MRPL10: variants seen among roughly 807,000 people sequenced by gnomAD.
The protein encoded by MRPL10 is mitochondrial ribosomal protein L10, also known as large ribosomal subunit protein uL10m.
A neutral mutation model predicts 19.8 loss-of-function variants in MRPL10; 14 were observed. The ratio of observed to expected loss-of-function variants is 0.71; its 90% CI spans 0.47 to 1.11. MRPL10 has a LOEUF of 1.11. Ranked by LOEUF, MRPL10 falls within the 50% of genes least tolerant of loss-of-function variation. The pLI is 0.00. For missense variants in MRPL10, 318 were observed against 339.6 expected (o/e 0.94, Z 0.50); for synonymous variants, 129 against 139.2 (o/e 0.93, Z 0.52).
chr17:47,825,014 CAAAAA>C (rs5820672), intron 4 of MRPL10, among the ~76,000 whole-genome samples: 2 of 75,584 alleles, frequency 2.6e-5, no homozygotes, highest in Non-Finnish European at 4.7e-5. Context: ...AACTTCGTCT[CAAAAA>C]AAAAAAAAAA....
At chr17:47,826,831 G>A in intron 3 of MRPL10, 50 bp from the exon 4 acceptor site, 1 of 1,610,440 alleles carries the variant, frequency 6.2e-7, no homozygotes, top group Non-Finnish European at 8.5e-7. Flanking sequence ...GGGAGGAAGA[G>A]CTACCTCGTG....
intron 2 of MRPL10, chr17:47,828,242 C>A: frequency 2.9e-6 from 1 of 344,944 alleles, no homozygotes; most frequent in South Asian, 1.2e-4. Context: ...CTCTCCCCAG[C>A]CCCACCTGCT....
Position 47,824,381 on chromosome 17 carries a change from G to A in MRPL10, c.610C>T (p.Gln204Ter). The A allele has an allele frequency of 6.2e-7, 1 of 1,608,088 alleles. No homozygotes were observed. Among genetic ancestry groups the A allele is most frequent in the Non-Finnish European group, 8.5e-7 (1 of 1,175,974 alleles). The change falls in exon 5 of 5, where the codon CAG becomes TAG. Residue 204 changes from glutamine to a stop codon, truncating the protein, a stop_gained. Coordinates refer to ENST00000351111, the MANE Select transcript of MRPL10 (RefSeq NM_145255.4). LOFTEE classifies it low-confidence loss of function (END_TRUNC). ...GTGAGGCCTCCTACAAGCTCCCCCT[G>A]CACCAGGGGCAGGCTGGGGAGCTTG... ...YSKLPSLPLV[Q>*]GELVGGLTCL...
chr17:47,827,009 G>C, intron 3 of MRPL10, 31 bp downstream of exon 3: 5 of 1,584,802 alleles, frequency 3.2e-6, no homozygotes, highest in Non-Finnish European at 4.3e-6. Context: ...GGGGAAGATG[G>C]GCAACCCATG....
At chr17:47,828,374 G>T in intron 2 of MRPL10, 127 bp downstream of exon 2, 1 of 631,522 alleles carries the variant, frequency 1.6e-6, no homozygotes, top group Non-Finnish European at 2.5e-6. Context: ...ATCTGGATCA[G>T]GCAGTCAAAC....
At position 47,831,532 on chromosome 17, in the gene MRPL10, G is replaced by A. The variant is rs1346008478; in HGVS notation, c.-21C>T. The A allele has an allele frequency of 1.6e-5, 24 of 1,548,146 alleles. No individual in the cohort carries two copies. Among genetic ancestry groups the A allele is most frequent in the Admixed American group, 2.0e-5 (1 of 50,722 alleles). ...GCCATCTCCACCGGAAGAATGGACG[G>A]AAGCCGAGTGGAGACGGAAAGAGCT... On this transcript the variant is annotated 5_prime_UTR_variant, in exon 1 of 5. Transcript: ENST00000351111.
intron 4 of MRPL10, among the ~76,000 whole-genome samples, chr17:47,824,659 T>C (rs950188160): frequency 2.6e-5 from 4 of 152,162 alleles, no homozygotes; most frequent in Admixed American, 6.5e-5. Context: ...CAGAAAACTC[T>C]TAATATATCC....
chr17:47,824,692 G>T (rs1333532196), intron 4 of MRPL10, among the ~76,000 whole-genome samples: 5 of 152,096 alleles, frequency 3.3e-5, no homozygotes, highest in African/African-American at 1.2e-4. Flanking sequence ...CCCCTATTAA[G>T]TCAGTGTTTC....
Position 47,828,530 on chromosome 17 carries a change from G to A in MRPL10, c.193C>T (p.Leu65=). 1 of 1,461,042 alleles carries A rather than the reference G, an allele frequency of 6.8e-7. No homozygotes were observed. The highest frequency in any genetic ancestry group is 9.0e-7 in the Non-Finnish European group (1 of 1,105,296). The allele number at this position is 1,461,042 out of a possible 1,614,324, so 90.5% of individuals were successfully genotyped here. ...TGTGGGGGGCTGGGAGGAGATGGCA[G>A]GCATGATGGGTGGATGGCTGGTTTC... The part of the protein sequence containing the change: ...PPKPAIHPSC[L]PSPPSPPQEE... Residue 65 remains leucine, a synonymous_variant, in exon 2 of 5, where the codon CTG becomes TTG. Transcript: ENST00000351111.
At chr17:47,826,853 A>G in intron 3 of MRPL10, 72 bp from the exon 4 acceptor site, 1 of 1,594,508 alleles carries the variant, frequency 6.3e-7, no homozygotes, top group East Asian at 2.2e-5. Flanking sequence ...GTCATGGGCC[A>G]CATTAGGCTG....
chr17:47,828,545 T>C lies in MRPL10; in HGVS notation c.178A>G (p.Ile60Val), dbSNP rs2033572604. Residue 60 changes from isoleucine to valine, a missense_variant, in exon 2 of 5, where the codon ATC (isoleucine) becomes GTC (valine). Transcript: ENST00000351111. ...VTEYIPPKPA[I>V]HPSCLPSPPS... ...GGAGATGGCAGGCATGATGGGTGGA[T>C]GGCTGGTTTCGGGGGGATATATTCA... 1 of 1,480,148 alleles carries C rather than the reference T, an allele frequency of 6.8e-7. No homozygotes were observed. The highest frequency in any genetic ancestry group is 9.0e-7 in the Non-Finnish European group (1 of 1,116,620). 91.7% of individuals were successfully genotyped at this position (1,480,148 alleles called of 1,614,324 possible). A position where few individuals can be genotyped will look rare whatever the true frequency, so the allele number is the denominator to read the frequency against.
intron 1 of MRPL10, chr17:47,831,192 G>A (rs2033623984): frequency 3.7e-6 from 3 of 818,408 alleles, no homozygotes; most frequent in East Asian, 3.0e-5. Flanking sequence ...GAAGACCTGA[G>A]GTGACATTTA....
intron 3 of MRPL10, 100 bp downstream of exon 3, chr17:47,826,940 G>A (rs2033543199): frequency 4.8e-6 from 7 of 1,458,552 alleles, no homozygotes; most frequent in Non-Finnish European, 6.6e-6. Context: ...ATGGAGAGGA[G>A]GAGTAAGAAG....
intron 2 of MRPL10, 100 bp from the exon 3 acceptor site, chr17:47,827,304 G>T: frequency 9.7e-7 from 1 of 1,030,908 alleles, no homozygotes; most frequent in South Asian, 1.7e-5. Flanking sequence ...GTGATGTCCA[G>T]ATGTGCAAAA....
chr17:47,829,850 T>C (rs956294003), intron 1 of MRPL10, among the ~76,000 whole-genome samples: 11 of 151,682 alleles, frequency 7.3e-5, no homozygotes, highest in African/African-American at 1.5e-4. Flanking sequence ...GATTGTGCCA[T>C]TGCACTCCGG....
intron 3 of MRPL10, 66 bp downstream of exon 3, chr17:47,826,974 T>G: frequency 6.6e-7 from 1 of 1,523,274 alleles, no homozygotes; most frequent in Non-Finnish European, 8.9e-7. Flanking sequence ...GAGCAGATGG[T>G]GAGGTCTGAG....
At chr17:47,825,627 T>C (rs1375402875) in intron 4 of MRPL10, among the ~76,000 whole-genome samples, 1 of 151,594 alleles carries the variant, frequency 6.6e-6, no homozygotes, top group African/African-American at 2.4e-5. Context: ...CCCTGAATCA[T>C]GGAATGGAGG....
In MRPL10 at chr17:47,828,459, C is replaced by T. The variant is rs773385148; in HGVS notation, c.222+42G>A. The T allele has an allele frequency of 3.7e-6, 5 of 1,346,442 alleles. No homozygotes were observed. In the South Asian group the frequency reaches 9.5e-5, roughly 26 times the overall value. 83.4% of individuals were successfully genotyped at this position (1,346,442 alleles called of 1,614,324 possible). On this transcript the variant is annotated intron_variant, in intron 2 of 4. Transcript: ENST00000351111. ...CCAGAGACAAGATTACTTTAATCCACCATCCCACCACCAAGTGACATGTAC... is the reference window on the plus strand; with the variant it reads ...CCAGAGACAAGATTACTTTAATCCATCATCCCACCACCAAGTGACATGTAC...
intron 1 of MRPL10, among the ~76,000 whole-genome samples, chr17:47,830,101 A>T (rs1183144037): frequency 1.3e-5 from 2 of 152,176 alleles, no homozygotes; most frequent in Non-Finnish European, 2.9e-5. Flanking sequence ...GACGCATGCT[A>T]AAGTTTGAAA....
Sources: allele counts gnomAD v4.1 joint callset (sites outside exome capture counted in the v4.1 genomes callset), GRCh38; gene constraint gnomAD v4.1.1; transcripts MANE v1.5; gene names NCBI Gene and HGNC (gene_info 2026-07-23, HGNC 2026-07-21).